The following STX18 variants were observed in gnomAD, a reference collection of about 807,000 sequenced individuals.
STX18 encodes the protein syntaxin 18.
A neutral mutation model predicts 50.1 loss-of-function variants in STX18; 40 were observed. The observed-to-expected ratio is 0.80, with a 90% confidence interval of 0.62 to 1.04. STX18 has a LOEUF of 1.04. STX18 is among the 50% of genes least tolerant of loss of function. STX18 has a pLI of 0.00. For missense variants in STX18, 410 were observed against 415.8 expected, an observed-to-expected ratio of 0.99 and a Z score of 0.12; for synonymous variants, 158 against 151.8, an observed-to-expected ratio of 1.04 and a Z score of -0.30.
chr4:4,533,474 G>C (rs1026470619), intron 1 of STX18, among the ~76,000 whole-genome samples: 2 of 152,088 alleles, frequency 1.3e-5, no homozygotes, highest in Non-Finnish European at 2.9e-5. Flanking sequence ...AATGAGATCG[G>C]GCACATAAAG....
chr4:4,538,528 C>T lies in STX18; in HGVS notation c.168+3269G>A, dbSNP rs191252191. 7.4e-5 allele frequency among the ~76,000 whole-genome samples: 11 copies of T among 147,814 alleles called. No homozygotes were observed. In the East Asian group the frequency reaches 2.2e-3, roughly 30 times the overall value. On this transcript the variant is annotated intron_variant, in intron 1 of 10. Coordinates refer to ENST00000306200, the MANE Select transcript of STX18 (RefSeq NM_016930.4). ...GTGGTTTGGAAAATACAGCTTGGTG[C>T]CACTAAAGAAAATATGTCTAAATGG... is the stretch of plus-strand genomic sequence containing the variant.
chr4:4,483,914 T>A (rs1465212212), intron 1 of STX18, among the ~76,000 whole-genome samples: 4 of 151,914 alleles, frequency 2.6e-5, no homozygotes, highest in African/African-American at 4.8e-5. Context: ...CAGGCTGGAG[T>A]GCAGTGGCAT....
intron 3 of STX18, among the ~76,000 whole-genome samples, chr4:4,458,661 C>T (rs575388217): frequency 1.3e-4 from 20 of 152,242 alleles, no homozygotes; most frequent in African/African-American, 3.1e-4. Flanking sequence ...TAAACATCAA[C>T]GAAAGTGAGA....
intron 6 of STX18, among the ~76,000 whole-genome samples, 196 bp downstream of exon 6, chr4:4,438,198 G>A (rs1725892523): frequency 6.6e-6 from 1 of 152,228 alleles, no homozygotes; most frequent in Admixed American, 6.5e-5. Flanking sequence ...CTGGGTGAAT[G>A]CACCCCCTGC....
chr4:4,522,957 C>G (rs1457658329), intron 1 of STX18, among the ~76,000 whole-genome samples: 1 of 152,220 alleles, frequency 6.6e-6, no homozygotes, highest in Admixed American at 6.5e-5. Context: ...CATGTGTTTA[C>G]TGGCGTATGT....
Position 4,447,592 on chromosome 4 carries a change from C to CAAAAAA in STX18, c.498-9089_498-9084dup, listed in dbSNP as rs34300930. ...GGCGACAGAGCGAGACTCCGTCTCA[C>CAAAAAA]AAAAAAAAAAAAAAAAAAAAAAAAA... On this transcript the variant is annotated intron_variant, in intron 5 of 10. Coordinates refer to ENST00000306200, the MANE Select transcript of STX18 (RefSeq NM_016930.4). Among the ~76,000 whole-genome samples the CAAAAAA allele has an allele frequency of 2.5e-3, 117 of 45,904 alleles. 14 individuals are homozygous for CAAAAAA. The highest frequency in any genetic ancestry group is 4.0e-3 in the Non-Finnish European group (99 of 24,892). The allele number at this position is 45,904 out of a possible 152,430, so 30.1% of individuals were successfully genotyped here.
intron 2 of STX18, among the ~76,000 whole-genome samples, chr4:4,467,547 C>G (rs1188827800): frequency 6.6e-6 from 1 of 152,178 alleles, no homozygotes; most frequent in East Asian, 1.9e-4. Flanking sequence ...CCAGCCCTGG[C>G]TCAGAGCTCA....
intron 8 of STX18, among the ~76,000 whole-genome samples, chr4:4,424,776 G>A (rs937766791): frequency 1.3e-5 from 2 of 152,328 alleles, no homozygotes; most frequent in East Asian, 1.9e-4. Context: ...AGACCCCAGT[G>A]GAACCATTTG....
chr4:4,420,004 G>A lies in STX18; in HGVS notation c.*30C>T, dbSNP rs1466814116. 1.9e-6 allele frequency: 3 copies of A among 1,574,812 alleles called. No individual in the cohort carries two copies. The African/African-American group carries it at 4.1e-5, about 21-fold the overall frequency. On this transcript the variant is annotated 3_prime_UTR_variant, in exon 11 of 11. Coordinates refer to ENST00000306200, the MANE Select transcript of STX18 (RefSeq NM_016930.4). The surrounding 1 kb of genome is among the most constrained non-coding windows in gnomAD (Gnocchi z 4.3). ...CACGCAGTCTGTGAGTGCCCATGAG[G>A]ACTCTCGTGCTGGGCCCCCGTGGCC...
chr4:4,536,529 A>G (rs1006182770), intron 1 of STX18, among the ~76,000 whole-genome samples: 6 of 152,242 alleles, frequency 3.9e-5, no homozygotes, highest in African/African-American at 1.4e-4. Context: ...ATCAAGCCAT[A>G]TGGAATCTAG....
At chr4:4,539,447 A>G (rs1731480731) in intron 1 of STX18, among the ~76,000 whole-genome samples, 1 of 152,228 alleles carries the variant, frequency 6.6e-6, no homozygotes, top group Non-Finnish European at 1.5e-5. Flanking sequence ...AACTTCCCAC[A>G]AGAGAAGATG....
At chr4:4,522,716 A>T (rs1730568106) in intron 1 of STX18, among the ~76,000 whole-genome samples, 1 of 151,628 alleles carries the variant, frequency 6.6e-6, no homozygotes, top group South Asian at 2.1e-4. Context: ...AGTGTGGAAG[A>T]AACAAAGAAA....
At chr4:4,504,545 G>C (rs1011974995) in intron 1 of STX18, among the ~76,000 whole-genome samples, 3 of 152,150 alleles carry the variant, frequency 2.0e-5, no homozygotes, top group African/African-American at 7.2e-5. Flanking sequence ...GGGAGACTAA[G>C]AGAAAATATT....
At chr4:4,539,506 A>G (rs1731483252) in intron 1 of STX18, among the ~76,000 whole-genome samples, 1 of 152,228 alleles carries the variant, frequency 6.6e-6, no homozygotes, top group South Asian at 2.1e-4. Flanking sequence ...CAAAGCAATG[A>G]CAACATAAAA....
intron 5 of STX18, among the ~76,000 whole-genome samples, chr4:4,452,135 G>A (rs537843682): frequency 1.1e-4 from 16 of 151,768 alleles, no homozygotes; most frequent in African/African-American, 3.7e-4. Flanking sequence ...CTAATTCAGC[G>A]CAAGGCCCTA....
chr4:4,523,188 A>G (rs2108908977), intron 1 of STX18, among the ~76,000 whole-genome samples: 1 of 152,276 alleles, frequency 6.6e-6, no homozygotes, highest in East Asian at 1.9e-4. Context: ...ATTACCTCTA[A>G]TCCAAGTAAA....
At chr4:4,489,709 G>T (rs1264281480) in intron 1 of STX18, among the ~76,000 whole-genome samples, 1 of 152,010 alleles carries the variant, frequency 6.6e-6, no homozygotes, top group East Asian at 1.9e-4. Flanking sequence ...TGCTAAAAAT[G>T]GATTGCTCCT....
chr4:4,483,356 A>G (rs762108127), intron 1 of STX18, among the ~76,000 whole-genome samples: 5 of 152,156 alleles, frequency 3.3e-5, no homozygotes, highest in Non-Finnish European at 7.3e-5. Context: ...GATTCCCATT[A>G]AACTCAATGC....
intron 1 of STX18, among the ~76,000 whole-genome samples, chr4:4,489,138 G>C (rs953431142): frequency 2.0e-5 from 3 of 152,088 alleles, no homozygotes; most frequent in Non-Finnish European, 2.9e-5. Flanking sequence ...TTGGTAACAA[G>C]ATATATGTCC....
Sources: gnomAD v4.1 joint callset for allele counts (sites outside exome capture counted in the v4.1 genomes callset) on GRCh38, gnomAD v4.1.1 for gene constraint, Gnocchi (gnomAD v3.1) non-coding constraint, MANE v1.5 for transcripts, NCBI Gene and HGNC (gene_info 2026-07-23, HGNC 2026-07-21) for gene names.